PKD2L2: variants seen among roughly 807,000 people sequenced by gnomAD.
PKD2L2 encodes polycystin-2-like protein 2.
PKD2L2 carries 67 observed loss-of-function variants against 83.9 expected under a neutral mutation model. The ratio of observed to expected loss-of-function variants is 0.80; its 90% CI spans 0.66 to 0.98. The LOEUF (loss-of-function observed/expected upper bound fraction) is 0.98, where lower values mean the gene tolerates loss of function less well. Among genes scored for constraint, PKD2L2 ranks in the 50% least tolerant of loss-of-function variants. PKD2L2 has a pLI of 0.00. For synonymous variants in PKD2L2, 223 were observed against 237.8 expected (o/e 0.94, Z 0.57); for missense variants, 632 against 717.2 (o/e 0.88, Z 1.36).
chr5:137,925,045 C>T lies in PKD2L2; in HGVS notation c.1557C>T (p.Tyr519=). 2 of 1,586,184 alleles carry T rather than the reference C, an allele frequency of 1.3e-6. No homozygotes were observed. The highest frequency in any genetic ancestry group is 1.7e-6 in the Non-Finnish European group (2 of 1,155,138). The change falls in exon 11 of 15, where the codon TAC becomes TAT. Residue 519 remains tyrosine, a synonymous_variant. Transcript: ENST00000508883. ...FELGKMIKQS[Y]KNVLEKFRLK... ...CTATTTTAAATTATGCCCAGAGTTA[C>T]AAAAATGTTCTCGAGAAATTCAGAC...
intron 8 of PKD2L2, among the ~76,000 whole-genome samples, chr5:137,910,368 T>C (rs1206582072): frequency 6.6e-6 from 1 of 151,764 alleles, no homozygotes; most frequent in Non-Finnish European, 1.5e-5. Context: ...GAAAGGGAAG[T>C]ATAAAGCACA....
chr5:137,911,159 T>A (rs1301173484), intron 8 of PKD2L2, among the ~76,000 whole-genome samples: 1 of 152,204 alleles, frequency 6.6e-6, no homozygotes, highest in Non-Finnish European at 1.5e-5. Context: ...GCCACCATTT[T>A]ACTTTTTGTC....
rs749903422 is a variant in PKD2L2 at position 137,892,561 on chromosome 5, G to C, written c.215G>C (p.Gly72Ala). The C allele has an allele frequency of 1.9e-6, 3 of 1,612,066 alleles. No homozygotes were observed. Among genetic ancestry groups the C allele is most frequent in the South Asian group, 2.2e-5 (2 of 90,704 alleles). ...CTATTTTTGGACACTTCTGTGCCTGGTGAAGAAAGAACCAACTTTAAGTCC... is the reference window on the plus strand; with the variant it reads ...CTATTTTTGGACACTTCTGTGCCTGCTGAAGAAAGAACCAACTTTAAGTCC... ...SSLFLDTSVP[G>A]EERTNFKSIR... Residue 72 changes from glycine to alanine, a missense_variant, in exon 3 of 15, where the codon GGT becomes GCT. By Grantham distance (60) the Gly-to-Ala change is moderately conservative. Around this residue, in one of 3 missense-constraint regions of PKD2L2, gnomAD observed 229 missense variants for 281.5 expected, o/e 0.81. Transcript: ENST00000508883.
At chr5:137,940,376 TTCTAGAGA>T (rs1761281532) in intron 14 of PKD2L2, 3 of 1,530,764 alleles carry the variant, frequency 2.0e-6, no homozygotes, top group Non-Finnish European at 2.7e-6. Flanking sequence ...ATTTGTAATG[TTCTAGAGA>T]TCATTTGGAA....
intron 11 of PKD2L2, 74 bp from the exon 12 acceptor site, chr5:137,925,801 C>A (rs1345074040): frequency 2.1e-5 from 17 of 805,344 alleles, no homozygotes; most frequent in Middle Eastern, 2.4e-4. Flanking sequence ...TACTACAGAT[C>A]CGATTGTACT....
At chr5:137,915,052 T>A (rs1017441231) in intron 8 of PKD2L2, among the ~76,000 whole-genome samples, 4 of 152,230 alleles carry the variant, frequency 2.6e-5, no homozygotes, top group African/African-American at 9.6e-5. Flanking sequence ...TTTGCATCTA[T>A]CTTCATTAGG....
Position 137,892,474 on chromosome 5 carries a change from C to T in PKD2L2, c.134-6C>T. 3 of 1,449,756 alleles carry T rather than the reference C, an allele frequency of 2.1e-6. No individual in the cohort carries two copies. Among genetic ancestry groups the T allele is most frequent in the Non-Finnish European group, 2.8e-6 (3 of 1,077,632 alleles). The allele number at this position is 1,449,756 out of a possible 1,614,324, so 89.8% of individuals were successfully genotyped here. On this transcript the variant is annotated splice_polypyrimidine_tract_variant and splice_region_variant and intron_variant, in intron 2 of 14. Transcript: ENST00000508883. Reference sequence around the variant, plus strand: ...AAATTATTAAACAAAAAATTATTCTCCTTAGTGACTTTTGGGATGGTAAAC... The same window carrying T: ...AAATTATTAAACAAAAAATTATTCTTCTTAGTGACTTTTGGGATGGTAAAC...
At position 137,907,895 on chromosome 5, in the gene PKD2L2, T is replaced by A. The variant is rs1465985109; in HGVS notation, c.1129T>A (p.Phe377Ile). 1 of 1,399,710 alleles carries A rather than the reference T, an allele frequency of 7.1e-7. No individual in the cohort carries two copies. The highest frequency in any genetic ancestry group is 2.3e-5 in the East Asian group (1 of 43,320). The allele number at this position is 1,399,710 out of a possible 1,614,324, so 86.7% of individuals were successfully genotyped here. A position where few individuals can be genotyped will look rare whatever the true frequency, so the allele number is the denominator to read the frequency against. Residue 377 changes from phenylalanine to isoleucine, a missense_variant, in exon 7 of 15, where the codon TTT becomes ATT. Phe to Ile is a conservative substitution (Grantham distance 21). Around this residue, in one of 3 missense-constraint regions of PKD2L2, gnomAD observed 399 missense variants for 416.9 expected, o/e 0.96. Coordinates refer to ENST00000508883, the MANE Select transcript of PKD2L2 (RefSeq NM_001300921.2). ...CAATAATATAATTGCTATTACCATCTTTTTTGCATGGATAAAGGTATTTAT... is the reference window on the plus strand; with the variant it reads ...CAATAATATAATTGCTATTACCATCATTTTTGCATGGATAAAGGTATTTAT... ...YYNNIIAITIFFAWIKIFKFI... is the reference protein window; with the variant it reads ...YYNNIIAITIIFAWIKIFKFI...
At chr5:137,921,413 G>A (rs570224908) in intron 8 of PKD2L2, among the ~76,000 whole-genome samples, 9 of 151,088 alleles carry the variant, frequency 6.0e-5, no homozygotes, top group African/African-American at 1.7e-4. Context: ...TCATTAAAGC[G>A]GTCATTTCCT....
intron 12 of PKD2L2, among the ~76,000 whole-genome samples, chr5:137,935,445 C>T (rs1760250720): frequency 6.6e-6 from 1 of 152,182 alleles, no homozygotes; most frequent in African/African-American, 2.4e-5. Flanking sequence ...TTACTAGTTA[C>T]ATTTGCTAAA....
intron 11 of PKD2L2, among the ~76,000 whole-genome samples, chr5:137,925,619 T>G (rs1425640457): frequency 8.5e-5 from 13 of 152,266 alleles, no homozygotes; most frequent in Admixed American, 8.5e-4. Flanking sequence ...GTATTTACAC[T>G]TGTATTTATT....
At chr5:137,894,322 T>A (rs181669294) in intron 3 of PKD2L2, 31 bp from the exon 4 acceptor site, 1 of 1,554,110 alleles carries the variant, frequency 6.4e-7, no homozygotes, top group East Asian at 2.2e-5. Flanking sequence ...TGAAAATATT[T>A]TTCCCATGAC....
chr5:137,936,365 C>T lies in PKD2L2; in HGVS notation c.1830C>T (p.Ile610=), dbSNP rs1760395012. 2 of 1,532,578 alleles carry T rather than the reference C, an allele frequency of 1.3e-6. No individual in the cohort carries two copies. Among genetic ancestry groups the T allele is most frequent in the East Asian group, 4.9e-5 (2 of 40,884 alleles). The allele number at this position is 1,532,578 out of a possible 1,614,324, so 94.9% of individuals were successfully genotyped here. The part of the protein sequence containing the change: ...AVELEKELHY[I]NLKLNQVVRK... ...AGCTGGAGAAGGAATTACACTACAT[C>T]AATTTGAAGCTAAATCAAGTGGTGA... Residue 610 remains isoleucine, a synonymous_variant, in exon 14 of 15, where the codon ATC becomes ATT. Coordinates refer to ENST00000508883, the MANE Select transcript of PKD2L2 (RefSeq NM_001300921.2).
chr5:137,892,312 A>G (rs1375228991), intron 2 of PKD2L2, among the ~76,000 whole-genome samples, 168 bp from the exon 3 acceptor site: 1 of 152,206 alleles, frequency 6.6e-6, no homozygotes, highest in Non-Finnish European at 1.5e-5. Context: ...AATTCTAGAA[A>G]CCACATCCTA....
chr5:137,903,742 C>T (rs1021637382), intron 5 of PKD2L2, among the ~76,000 whole-genome samples: 1 of 152,078 alleles, frequency 6.6e-6, no homozygotes, highest in African/African-American at 2.4e-5. Context: ...AGTAGAACTA[C>T]ATTTTTTATT....
chr5:137,914,384 T>C (rs1279872192), intron 8 of PKD2L2, among the ~76,000 whole-genome samples: 2 of 152,228 alleles, frequency 1.3e-5, no homozygotes, highest in East Asian at 3.9e-4. Flanking sequence ...GTAAATATAA[T>C]TCAAATATTC....
chr5:137,907,766 A>C lies in PKD2L2; in HGVS notation c.1000A>C (p.Asn334His). Residue 334 changes from asparagine to histidine, a missense_variant, in exon 7 of 15, where the codon AAC becomes CAC. Asn to His is a moderately conservative substitution (Grantham distance 68). Coordinates refer to ENST00000508883, the MANE Select transcript of PKD2L2 (RefSeq NM_001300921.2). ...GTTGTGTTTTGTGGCTGTTTCCTTCAACACATACTATAATGTACAAATTTT... is the reference window on the plus strand; with the variant it reads ...GTTGTGTTTTGTGGCTGTTTCCTTCCACACATACTATAATGTACAAATTTT... ...LLLCFVAVSF[N>H]TYYNVQIFLL... is the part of the protein sequence containing the mutation. 1.3e-6 allele frequency: 2 copies of C among 1,539,760 alleles called. No individual in the cohort carries two copies. Among genetic ancestry groups the C allele is most frequent in the Non-Finnish European group, 1.8e-6 (2 of 1,141,210 alleles).
chr5:137,889,596 C>G (rs758996538), intron 1 of PKD2L2, 74 bp downstream of exon 1: 12 of 1,331,508 alleles, frequency 9.0e-6, no homozygotes, highest in Non-Finnish European at 1.2e-5. Flanking sequence ...AGGAACTCTG[C>G]GGCCCCAAAT....
chr5:137,924,434 TTCTATTCTTCAAAAAGTGGAA>T (rs6149263), intron 10 of PKD2L2, among the ~76,000 whole-genome samples: 112,203 of 152,022 alleles, frequency 0.74, 42,082 homozygotes, highest in East Asian at 0.97. Flanking sequence ...CTTGCTACCA[TTCTATTCTTCAAAAAGTGGAA>T]TCTGTCCTGT....
Sources: gnomAD v4.1 joint callset for allele counts (sites outside exome capture counted in the v4.1 genomes callset) on GRCh38, gnomAD v4.1.1 for gene constraint, gnomAD v4.1.1 regional missense constraint, MANE v1.5 for transcripts, NCBI Gene and HGNC (gene_info 2026-07-23, HGNC 2026-07-21) for gene names.